DLGAP4: variants seen among roughly 807,000 people sequenced by gnomAD.
The protein encoded by DLGAP4 is DLG associated protein 4, also known as disks large-associated protein 4.
DLGAP4 carries 18 observed loss-of-function variants against 86.9 expected under a neutral mutation model. The ratio of observed to expected loss-of-function variants is 0.21; its 90% CI spans 0.14 to 0.31. DLGAP4 has a LOEUF of 0.31. DLGAP4 is among the 10% of genes least tolerant of loss of function. The pLI, the probability that DLGAP4 is intolerant of heterozygous loss-of-function variation, is 1.00. For missense variants in DLGAP4, 1,085 were observed against 1,362.6 expected (o/e 0.80, Z 3.21); for synonymous variants, 548 against 574.3 (o/e 0.95, Z 0.65).
intron 2 of DLGAP4, among the ~76,000 whole-genome samples, chr20:36,417,350 G>T (rs2032685153): frequency 7.0e-6 from 1 of 143,856 alleles, no homozygotes; most frequent in South Asian, 2.3e-4. Context: ...GGCTGAGCAG[G>T]CTGGAGTTTG....
At chr20:36,471,358 G>A (rs1377724244) in intron 7 of DLGAP4, among the ~76,000 whole-genome samples, 3 of 152,162 alleles carry the variant, frequency 2.0e-5, no homozygotes, top group Admixed American at 1.3e-4. Flanking sequence ...GCCGGGCGTG[G>A]TGGTGGGTGT....
intron 5 of DLGAP4, among the ~76,000 whole-genome samples, chr20:36,442,265 G>A (rs1257209474): frequency 6.6e-6 from 1 of 152,182 alleles, no homozygotes; most frequent in Non-Finnish European, 1.5e-5. Context: ...CGCGATCCCA[G>A]CTCACTGCAA....
At chr20:36,467,824 G>A (rs150026163) in intron 7 of DLGAP4, among the ~76,000 whole-genome samples, 98 of 152,326 alleles carry the variant, frequency 6.4e-4, no homozygotes, top group African/African-American at 2.3e-3. Context: ...CTGGCTCTGC[G>A]CCAGGGGCTC....
chr20:36,434,543 T>A (rs899305119), intron 3 of DLGAP4, among the ~76,000 whole-genome samples: 1 of 152,186 alleles, frequency 6.6e-6, no homozygotes, highest in Non-Finnish European at 1.5e-5. Context: ...CCCTGGAGTC[T>A]GTGCTGCCTG....
At chr20:36,396,403 CACCACAT>C in intron 2 of DLGAP4, among the ~76,000 whole-genome samples, 1 of 44,216 alleles carries the variant, frequency 2.3e-5, no homozygotes. Flanking sequence ...CACATACACA[CACCACAT>C]ACACACACAC....
chr20:36,458,141 C>A (rs186105731), intron 7 of DLGAP4, among the ~76,000 whole-genome samples: 9 of 152,018 alleles, frequency 5.9e-5, no homozygotes, highest in Admixed American at 5.9e-4. Context: ...ACAACTTTGT[C>A]TTTTGGCTCT....
At chr20:36,433,867 G>T (rs988599767) in intron 3 of DLGAP4, among the ~76,000 whole-genome samples, 1 of 151,896 alleles carries the variant, frequency 6.6e-6, no homozygotes, top group East Asian at 1.9e-4. Flanking sequence ...TGGCCAGACT[G>T]GTTTTGAACT....
intron 1 of DLGAP4, among the ~76,000 whole-genome samples, chr20:36,344,675 C>G (rs2065418110): frequency 6.6e-6 from 1 of 152,220 alleles, no homozygotes; most frequent in Non-Finnish European, 1.5e-5. Flanking sequence ...TCCAGGGGAA[C>G]CTGGTCTTGG....
intron 4 of DLGAP4, 127 bp from the exon 5 acceptor site, chr20:36,439,627 T>G: frequency 1.3e-6 from 1 of 752,486 alleles, no homozygotes; most frequent in Admixed American, 2.2e-5. Flanking sequence ...AAGCTGGTGC[T>G]GCCACCCTGC....
At chr20:36,366,105 C>T (rs2030679318) in intron 1 of DLGAP4, among the ~76,000 whole-genome samples, 1 of 151,954 alleles carries the variant, frequency 6.6e-6, no homozygotes, top group Non-Finnish European at 1.5e-5. Context: ...CCTGCTGATT[C>T]GTGGGTTTTT....
rs551989545 is a variant in DLGAP4 at position 36,497,550 on chromosome 20, G to A, written c.2010+484G>A. On this transcript the variant is annotated intron_variant, in intron 8 of 12. Transcript: ENST00000339266. ...CCAGGACCCAGGGCCCTTGAGCCAT[G>A]GGGGTTGCTCGAGGGGAACTTTGCC... 1.3e-5 allele frequency: 13 copies of A among 989,848 alleles called. No individual in the cohort carries two copies. In the South Asian group the frequency reaches 3.7e-4, roughly 28 times the overall value. The allele number at this position is 989,848 out of a possible 1,614,324, so 61.3% of individuals were successfully genotyped here.
At chr20:36,353,468 A>G (rs753201100) in intron 1 of DLGAP4, among the ~76,000 whole-genome samples, 3 of 152,212 alleles carry the variant, frequency 2.0e-5, no homozygotes, top group Non-Finnish European at 4.4e-5. Flanking sequence ...CTGTCTCCCC[A>G]GCCCTGGGGC....
At chr20:36,336,147 T>C (rs1569460779) in intron 1 of DLGAP4, among the ~76,000 whole-genome samples, 1 of 152,158 alleles carries the variant, frequency 6.6e-6, no homozygotes, top group African/African-American at 2.4e-5. Context: ...ACTTCCTCCA[T>C]TTCCATCCTC....
intron 1 of DLGAP4, among the ~76,000 whole-genome samples, chr20:36,349,920 C>G (rs1444830872): frequency 6.6e-6 from 1 of 152,168 alleles, no homozygotes; most frequent in African/African-American, 2.4e-5. Flanking sequence ...GGGCTGTCCT[C>G]CCCTGACTGC....
intron 2 of DLGAP4, among the ~76,000 whole-genome samples, chr20:36,398,458 A>G (rs1405158131): frequency 2.6e-5 from 4 of 152,158 alleles, no homozygotes; most frequent in Non-Finnish European, 5.9e-5. Context: ...GTGAGGTAAG[A>G]TCAGTCTGGT....
intron 7 of DLGAP4, among the ~76,000 whole-genome samples, chr20:36,457,466 C>G (rs535797341): frequency 7.9e-4 from 120 of 151,424 alleles, no homozygotes; most frequent in African/African-American, 2.6e-3. Flanking sequence ...TGTCCGCCTC[C>G]CTGGTTCTGG....
rs1282722529 is a variant in DLGAP4, at chr20:36,431,506, G to A, written c.-72-140G>A. On this transcript the variant is annotated intron_variant, in intron 2 of 12. Coordinates refer to ENST00000339266, the MANE Select transcript of DLGAP4 (RefSeq NM_001365621.2). The surrounding 1 kb of genome is among the most constrained non-coding windows in gnomAD (Gnocchi z 5.1). ...ACACAGAGTACGTGGGCCTCGGTGT[G>A]TACTCCTGTCCTCAGGCCCACAACA... 1.7e-6 allele frequency: 1 copy of A among 575,932 alleles called. No individual in the cohort carries two copies. The highest frequency in any genetic ancestry group is 2.9e-5 in the East Asian group (1 of 34,386). The allele number at this position is 575,932 out of a possible 1,614,324, so 35.7% of individuals were successfully genotyped here.
intron 10 of DLGAP4, among the ~76,000 whole-genome samples, chr20:36,522,713 T>G (rs2037452579): frequency 6.6e-6 from 1 of 152,130 alleles, no homozygotes; most frequent in Non-Finnish European, 1.5e-5. Context: ...AGACAGGGTT[T>G]TACCAGGTTG....
intron 1 of DLGAP4, among the ~76,000 whole-genome samples, chr20:36,331,795 A>AG (rs1342829645): frequency 6.6e-6 from 1 of 152,170 alleles, no homozygotes; most frequent in Non-Finnish European, 1.5e-5. Context: ...GCAGGGTGAC[A>AG]GGTGTCTGCT....
Sources: gnomAD v4.1 joint callset for allele counts (sites outside exome capture counted in the v4.1 genomes callset) on GRCh38, gnomAD v4.1.1 for gene constraint, Gnocchi (gnomAD v3.1) non-coding constraint, MANE v1.5 for transcripts, NCBI Gene and HGNC (gene_info 2026-07-23, HGNC 2026-07-21) for gene names.